The following MBP variants were observed in gnomAD, a reference collection of about 807,000 sequenced individuals.
The protein encoded by MBP is Golli-MBP.
A neutral mutation model predicts 35.8 loss-of-function variants in MBP; 16 were observed. The ratio of observed to expected loss-of-function variants is 0.45; its 90% CI spans 0.30 to 0.68. The LOEUF (loss-of-function observed/expected upper bound fraction) is 0.68, where lower values mean the gene tolerates loss of function less well. Among genes scored for constraint, MBP ranks in the 30% least tolerant of loss-of-function variants. The pLI is 0.08. For missense variants in MBP, 380 were observed against 404.7 expected (o/e 0.94, Z 0.52); for synonymous variants, 143 against 159.6 (o/e 0.90, Z 0.78).
chr18:77,114,532 G>A (rs1246056937), intron 1 of MBP: 1 of 152,238 alleles, frequency 6.6e-6, no homozygotes, highest in Non-Finnish European at 1.5e-5. Context: ...TGACAGGCAT[G>A]GTGTTCAGCT....
At chr18:77,034,915 C>A (rs1972694840) in intron 3 of MBP, among the ~76,000 whole-genome samples, 1 of 152,180 alleles carries the variant, frequency 6.6e-6, no homozygotes, top group South Asian at 2.1e-4. Flanking sequence ...TTCCTGAAGC[C>A]CGGGTGTGCT....
intron 7 of MBP, chr18:76,985,244 C>T (rs1336108647): frequency 7.4e-7 from 1 of 1,358,804 alleles, no homozygotes; most frequent in Non-Finnish European, 9.7e-7. Context: ...TAGCAAACAT[C>T]AAGCAAATCA....
chr18:77,054,374 C>CAG (rs760015325), intron 3 of MBP, among the ~76,000 whole-genome samples: 9 of 152,238 alleles, frequency 5.9e-5, no homozygotes, highest in Middle Eastern at 3.2e-3. Context: ...AGGAGGAGGG[C>CAG]AGAGCTTGTG....
intron 1 of MBP, chr18:77,110,614 G>A (rs1976416766): frequency 6.6e-6 from 1 of 152,152 alleles, no homozygotes; most frequent in Non-Finnish European, 1.5e-5. Context: ...CCCTGGCAGG[G>A]ACTACATTTC....
chr18:76,985,058 G>T (rs1969465376), intron 7 of MBP, 164 bp from the exon 8 acceptor site: 4 of 1,479,338 alleles, frequency 2.7e-6, no homozygotes, highest in Admixed American at 1.9e-5. Context: ...GGGGGTGGGG[G>T]CGGGAGAGGC....
At chr18:77,051,627 AG>A (rs1402522076) in intron 3 of MBP, among the ~76,000 whole-genome samples, 2 of 152,214 alleles carry the variant, frequency 1.3e-5, no homozygotes, top group East Asian at 3.8e-4. Flanking sequence ...AGAAGAGTTG[AG>A]GGTTCTTCCA....
At chr18:77,127,361 C>G (rs1229095345) in intron 1 of MBP, 1 of 152,136 alleles carries the variant, frequency 6.6e-6, no homozygotes, top group Non-Finnish European at 1.5e-5. Flanking sequence ...AACAAATAAG[C>G]CTCAACCTAA....
At chr18:77,067,159 T>C (rs1974232846) in intron 2 of MBP, among the ~76,000 whole-genome samples, 1 of 152,242 alleles carries the variant, frequency 6.6e-6, no homozygotes, top group African/African-American at 2.4e-5. Flanking sequence ...TCAAATGCTC[T>C]AGAAAGTGCA....
chr18:77,097,473 T>C (rs1263865103), intron 2 of MBP: 8 of 152,220 alleles, frequency 5.3e-5, no homozygotes, highest in African/African-American at 1.9e-4. Flanking sequence ...CTGGGCGATG[T>C]CCTAGGGGAG....
At chr18:77,132,511 G>T (rs62104563) in intron 1 of MBP, 69 bp downstream of exon 1, 1 of 151,996 alleles carries the variant, frequency 6.6e-6, no homozygotes, top group East Asian at 1.9e-4. Flanking sequence ...AGGTCTCCGC[G>T]GTCCCCACTC....
At chr18:76,993,443 A>C (rs1357325462) in intron 4 of MBP, among the ~76,000 whole-genome samples, 1 of 149,402 alleles carries the variant, frequency 6.7e-6, no homozygotes, top group African/African-American at 2.4e-5. Flanking sequence ...TCCCAGCTTC[A>C]GGGGGCTGAG....
At chr18:77,128,996 T>A (rs944116369) in intron 1 of MBP, among the ~76,000 whole-genome samples, 2 of 152,162 alleles carry the variant, frequency 1.3e-5, no homozygotes, top group African/African-American at 4.8e-5. Context: ...TAAAAAAAAA[T>A]CTTTTTGCCA....
intron 1 of MBP, among the ~76,000 whole-genome samples, chr18:77,124,650 C>T (rs1251919111): frequency 6.6e-6 from 1 of 152,194 alleles, no homozygotes; most frequent in East Asian, 1.9e-4. Context: ...GGGGAGAGCC[C>T]ACCCACAGGA....
In MBP at chr18:77,081,617, G is replaced by T. The variant is rs188827919; in HGVS notation, c.52-15232C>A. ...TGGGAAGTAAGTGGACTCTGTGGAA[G>T]GAAGTTTGGCAGTTCCTCAAAAACT... On this transcript the variant is annotated intron_variant, in intron 2 of 8. Coordinates refer to ENST00000355994, the MANE Select transcript of MBP (RefSeq NM_001025101.2). Among the ~76,000 whole-genome samples the T allele has an allele frequency of 2.0e-5, 3 of 152,038 alleles. No individual in the cohort carries two copies. The East Asian group carries it at 5.8e-4, about 29-fold the overall frequency.
At chr18:77,045,981 T>C (rs1285875047) in intron 3 of MBP, among the ~76,000 whole-genome samples, 1 of 152,216 alleles carries the variant, frequency 6.6e-6, no homozygotes, top group Non-Finnish European at 1.5e-5. Context: ...AACATGTCGA[T>C]GGATGTGACA....
intron 1 of MBP, among the ~76,000 whole-genome samples, chr18:77,120,013 C>G (rs1976841027): frequency 6.6e-6 from 1 of 152,160 alleles, no homozygotes; most frequent in South Asian, 2.1e-4. Context: ...AGACAGGGAC[C>G]CTAACAGGGT....
chr18:77,016,726 G>T, intron 4 of MBP, 106 bp downstream of exon 4: 1 of 1,498,806 alleles, frequency 6.7e-7, no homozygotes, highest in Non-Finnish European at 8.9e-7. Flanking sequence ...ACCTTAGACA[G>T]CAAGAGGCTA....
intron 4 of MBP, among the ~76,000 whole-genome samples, chr18:77,008,352 C>A (rs1971118737): frequency 6.6e-6 from 1 of 152,142 alleles, no homozygotes; most frequent in African/African-American, 2.4e-5. Context: ...AGAGAAGAGG[C>A]CTCCCAGAAG....
At chr18:77,047,422 C>G (rs1480675115) in intron 3 of MBP, among the ~76,000 whole-genome samples, 1 of 152,214 alleles carries the variant, frequency 6.6e-6, no homozygotes, top group Non-Finnish European at 1.5e-5. Context: ...CCAGGACACG[C>G]AAATCCACAG....
Sources: allele counts gnomAD v4.1 joint callset (sites outside exome capture counted in the v4.1 genomes callset), GRCh38; gene constraint gnomAD v4.1.1; transcripts MANE v1.5; gene names NCBI Gene and HGNC (gene_info 2026-07-23, HGNC 2026-07-21).